Variants in PPP4R1 observed in about 807,000 individuals in gnomAD.
The protein encoded by PPP4R1 is protein phosphatase 4 regulatory subunit 1, also known as serine/threonine-protein phosphatase 4 regulatory subunit 1.
Under a neutral mutation model 111.2 loss-of-function variants are expected in PPP4R1, and 42 were observed. The ratio of observed to expected loss-of-function variants is 0.38; its 90% CI spans 0.29 to 0.49. The LOEUF is 0.49. PPP4R1 is among the 20% of genes least tolerant of loss of function. PPP4R1 has a pLI of 0.97. For missense variants in PPP4R1, 1,012 were observed against 1,161.6 expected, an observed-to-expected ratio of 0.87 and a Z score of 1.87; for synonymous variants, 409 against 405.5, an observed-to-expected ratio of 1.01 and a Z score of -0.10.
At chr18:9,605,789 A>G (rs2067472105) in intron 2 of PPP4R1, among the ~76,000 whole-genome samples, 2 of 152,278 alleles carry the variant, frequency 1.3e-5, no homozygotes, top group Non-Finnish European at 2.9e-5. Context: ...TACATACTAT[A>G]TAACAGGATT....
At chr18:9,583,847 G>A (rs2145192543) in intron 8 of PPP4R1, among the ~76,000 whole-genome samples, 1 of 151,562 alleles carries the variant, frequency 6.6e-6, no homozygotes, top group African/African-American at 2.4e-5. Flanking sequence ...TATTTCTTAT[G>A]AGTCAAAATT....
At position 9,570,456 on chromosome 18, in the gene PPP4R1, T is replaced by C; in HGVS notation, c.1274A>G (p.Lys425Arg). The change falls in exon 11 of 20, where the codon AAA (lysine) becomes AGA (arginine). Residue 425 changes from lysine to arginine, a missense_variant. Coordinates refer to ENST00000400556, the MANE Select transcript of PPP4R1 (RefSeq NM_001042388.3). ...HQEAASNENDKKPGNYKSMLR... is the reference protein window; with the variant it reads ...HQEAASNENDRKPGNYKSMLR... ...CATAGATTTGTAGTTACCAGGTTTTTTATCATTCTCATTACTAGCTGCTTC... is the reference window on the plus strand; with the variant it reads ...CATAGATTTGTAGTTACCAGGTTTTCTATCATTCTCATTACTAGCTGCTTC... The C allele has an allele frequency of 1.2e-6, 2 of 1,614,232 alleles. No individual in the cohort carries two copies. Among genetic ancestry groups the C allele is most frequent in the East Asian group, 2.2e-5 (1 of 44,886 alleles).
intron 12 of PPP4R1, among the ~76,000 whole-genome samples, chr18:9,562,659 ACTAAAG>A (rs1337531120): frequency 6.6e-6 from 1 of 152,232 alleles, no homozygotes; most frequent in East Asian, 1.9e-4. Flanking sequence ...ACAGAAATGC[ACTAAAG>A]CTCTAAGAAC....
chr18:9,576,929 A>C lies in PPP4R1; in HGVS notation c.1046+135T>G. 5.4e-6 allele frequency: 5 copies of C among 918,326 alleles called. No individual in the cohort carries two copies. The South Asian group carries it at 9.3e-5, about 17-fold the overall frequency. The allele number at this position is 918,326 out of a possible 1,614,324, so 56.9% of individuals were successfully genotyped here. ...AAAGTAAAGCTCTATAAAAATATTCACCAATTTTTATATTCAAGAGAAATA... is the reference window on the plus strand; with the variant it reads ...AAAGTAAAGCTCTATAAAAATATTCCCCAATTTTTATATTCAAGAGAAATA... On this transcript the variant is annotated intron_variant, in intron 10 of 19. Coordinates refer to ENST00000400556, the MANE Select transcript of PPP4R1 (RefSeq NM_001042388.3).
At position 9,594,716 on chromosome 18, in the gene PPP4R1, G is replaced by C. The variant is rs984901110; in HGVS notation, c.188+302C>G. 1.4e-5 allele frequency: 4 copies of C among 288,464 alleles called. No homozygotes were observed. In the East Asian group the frequency reaches 3.3e-4, roughly 24 times the overall value. The allele number at this position is 288,464 out of a possible 1,614,324, so 17.9% of individuals were successfully genotyped here. A position where few individuals can be genotyped will look rare whatever the true frequency, so the allele number is the denominator to read the frequency against. On this transcript the variant is annotated intron_variant, in intron 3 of 19. Coordinates refer to ENST00000400556, the MANE Select transcript of PPP4R1 (RefSeq NM_001042388.3). ...CAGCAGGTATACAACATCATGTGTT[G>C]AAGGAATAATGTACTTCCCAATAAG... is the stretch of plus-strand genomic sequence containing the variant.
At chr18:9,600,827 G>A (rs1186614108) in intron 2 of PPP4R1, among the ~76,000 whole-genome samples, 1 of 152,124 alleles carries the variant, frequency 6.6e-6, no homozygotes, top group Non-Finnish European at 1.5e-5. Flanking sequence ...ATTTCAGTAA[G>A]CTGATATAGC....
chr18:9,582,892 C>T (rs1021715131), intron 9 of PPP4R1, among the ~76,000 whole-genome samples: 4 of 152,032 alleles, frequency 2.6e-5, no homozygotes, highest in Non-Finnish European at 5.9e-5. Context: ...TACATCATGC[C>T]AATTAAATAA....
intron 16 of PPP4R1, 136 bp from the exon 17 acceptor site, chr18:9,550,534 C>A: frequency 2.1e-6 from 2 of 963,604 alleles, no homozygotes; most frequent in Admixed American, 2.7e-5. Context: ...AGTGATTAAG[C>A]AGACCTCTCC....
At chr18:9,603,728 T>G (rs935348781) in intron 2 of PPP4R1, among the ~76,000 whole-genome samples, 2 of 152,150 alleles carry the variant, frequency 1.3e-5, no homozygotes, top group Admixed American at 1.3e-4. Context: ...CAAGGGATCC[T>G]CCTGCCTCAA....
chr18:9,593,674 A>G (rs1184352936), intron 4 of PPP4R1, 94 bp downstream of exon 4: 3 of 1,069,696 alleles, frequency 2.8e-6, no homozygotes, highest in Non-Finnish European at 2.7e-6. Context: ...AAGCTATCTC[A>G]TATCACATTA....
chr18:9,582,812 T>G (rs2067051779), intron 9 of PPP4R1, among the ~76,000 whole-genome samples: 1 of 152,140 alleles, frequency 6.6e-6, no homozygotes, highest in African/African-American at 2.4e-5. Context: ...ATAAAAAGAA[T>G]TATACAACTA....
At position 9,576,152 on chromosome 18, in the gene PPP4R1, G is replaced by T. The variant is rs370793331; in HGVS notation, c.1046+912C>A. On this transcript the variant is annotated intron_variant, in intron 10 of 19. Coordinates refer to ENST00000400556, the MANE Select transcript of PPP4R1 (RefSeq NM_001042388.3). ...AAAGGTAAAACAAGGCAGCAGAGAA[G>T]AAAGAAGAACTGCCAAATCAAAACA... Among the ~76,000 whole-genome samples the T allele has an allele frequency of 2.4e-4, 37 of 152,200 alleles. No individual in the cohort carries two copies. In the East Asian group the frequency reaches 6.9e-3, roughly 29 times the overall value.
intron 9 of PPP4R1, among the ~76,000 whole-genome samples, chr18:9,577,700 T>C (rs1432545159): frequency 6.6e-6 from 1 of 152,136 alleles, no homozygotes; most frequent in Admixed American, 6.5e-5. Flanking sequence ...ATTTGCTCTT[T>C]TTTACTTTCA....
At position 9,550,331 on chromosome 18, in the gene PPP4R1, G is replaced by C; in HGVS notation, c.2359C>G (p.Leu787Val). The C allele has an allele frequency of 6.2e-7, 1 of 1,613,124 alleles. No homozygotes were observed. The highest frequency in any genetic ancestry group is 1.1e-5 in the South Asian group (1 of 91,056). Reference sequence around the variant, plus strand: ...GAAACTTTGTCTGCACACAGATTCAGAGCAATGGGACGTAAATAGTCATAA... The same window carrying C: ...GAAACTTTGTCTGCACACAGATTCACAGCAATGGGACGTAAATAGTCATAA... ...DVYDYLRPIA[L>V]NLCADKVSSV... The change falls in exon 17 of 20, where the codon CTG becomes GTG. Residue 787 changes from leucine to valine, a missense_variant. Coordinates refer to ENST00000400556, the MANE Select transcript of PPP4R1 (RefSeq NM_001042388.3).
At chr18:9,557,693 A>G (rs1598894988) in intron 14 of PPP4R1, among the ~76,000 whole-genome samples, 1 of 152,186 alleles carries the variant, frequency 6.6e-6, no homozygotes, top group African/African-American at 2.4e-5. Context: ...ATGCTCTGTT[A>G]TTACTCCTAA....
chr18:9,567,600 A>C (rs2066789832), intron 11 of PPP4R1, among the ~76,000 whole-genome samples: 1 of 152,200 alleles, frequency 6.6e-6, no homozygotes, highest in South Asian at 2.1e-4. Flanking sequence ...CCTAGTGATG[A>C]TGCTGTGAAC....
chr18:9,570,072 A>C, intron 11 of PPP4R1, 85 bp downstream of exon 11: 1 of 1,406,828 alleles, frequency 7.1e-7, no homozygotes, highest in Non-Finnish European at 9.5e-7. Flanking sequence ...TTAAATGACA[A>C]TTTTTTCTGA....
chr18:9,553,490 T>A, intron 15 of PPP4R1, 68 bp from the exon 16 acceptor site: 1 of 1,000,462 alleles, frequency 1.0e-6, no homozygotes, highest in Non-Finnish European at 1.5e-6. Flanking sequence ...CTAGAGTGCT[T>A]AAAAACAGAC....
At chr18:9,574,743 G>A (rs772629656) in intron 10 of PPP4R1, among the ~76,000 whole-genome samples, 1 of 152,172 alleles carries the variant, frequency 6.6e-6, no homozygotes, top group Non-Finnish European at 1.5e-5. Context: ...TCATTACAGC[G>A]CTACTGATGA....
Sources: gnomAD v4.1 joint callset for allele counts (sites outside exome capture counted in the v4.1 genomes callset) on GRCh38, gnomAD v4.1.1 for gene constraint, MANE v1.5 for transcripts, NCBI Gene and HGNC (gene_info 2026-07-23, HGNC 2026-07-21) for gene names.